Variants in LIMD1 observed in about 807,000 individuals in gnomAD.
LIMD1 encodes the protein LIM domain-containing protein 1.
In LIMD1, 23 loss-of-function variants were observed where a neutral mutation model predicts 58.4. The ratio of observed to expected loss-of-function variants is 0.39; its 90% CI spans 0.28 to 0.56. The LOEUF (loss-of-function observed/expected upper bound fraction) is 0.56, where lower values mean the gene tolerates loss of function less well. Among genes scored for constraint, LIMD1 ranks in the 20% least tolerant of loss-of-function variants. The probability of loss-of-function intolerance (pLI) is 0.57; values close to 1 mark genes in which losing one functional copy is unlikely to be tolerated. For synonymous variants in LIMD1, 334 were observed against 345.5 expected (o/e 0.97, Z 0.37); for missense variants, 838 against 855.5 (o/e 0.98, Z 0.25).
At chr3:45,598,199 C>A (rs911531427) in intron 1 of LIMD1, among the ~76,000 whole-genome samples, 1 of 152,158 alleles carries the variant, frequency 6.6e-6, no homozygotes, top group African/African-American at 2.4e-5. Context: ...AGTGATCTTC[C>A]TGCCTCAGCC....
At chr3:45,618,034 C>T (rs374834599) in intron 1 of LIMD1, among the ~76,000 whole-genome samples, 6 of 152,250 alleles carry the variant, frequency 3.9e-5, no homozygotes, top group African/African-American at 1.4e-4. Flanking sequence ...CATTCTGGTT[C>T]CCTTCTGGTT....
chr3:45,658,477 G>A (rs1439671758), intron 2 of LIMD1, among the ~76,000 whole-genome samples: 1 of 145,848 alleles, frequency 6.9e-6, no homozygotes, highest in Non-Finnish European at 1.5e-5. Flanking sequence ...GGAAAGTGTA[G>A]GAAAGTATAT....
At position 45,685,883 on chromosome 3, in the gene LIMD1, C is replaced by T. The variant is rs1361780220; in HGVS notation, c.*8824C>T. ...AGACTCTCCCTCTTCCTTTAATCAC[C>T]TAGCCTTGTTTCCACCTGAATTGAC... is the stretch of plus-strand genomic sequence containing the variant. On this transcript the variant is annotated 3_prime_UTR_variant, in exon 8 of 8. Coordinates refer to ENST00000273317, the MANE Select transcript of LIMD1 (RefSeq NM_014240.3). 6.6e-6 allele frequency: 1 copy of T among 152,150 alleles called. No homozygotes were observed. The highest frequency in any genetic ancestry group is 1.9e-4 in the East Asian group (1 of 5,200). The allele number at this position is 152,150 out of a possible 1,614,324, so 9.4% of individuals were successfully genotyped here.
chr3:45,609,604 G>A (rs534783838), intron 1 of LIMD1, among the ~76,000 whole-genome samples: 2 of 152,202 alleles, frequency 1.3e-5, no homozygotes, highest in Admixed American at 6.5e-5. Context: ...GCTTTCCTGC[G>A]GGGTTCCACA....
chr3:45,636,122 C>T, intron 1 of LIMD1, 28 bp from the exon 2 acceptor site: 2 of 1,610,622 alleles, frequency 1.2e-6, no homozygotes, highest in Non-Finnish European at 1.7e-6. Flanking sequence ...TCCCTCCTGA[C>T]TCACTGATGT....
At chr3:45,610,779 G>A (rs929794177) in intron 1 of LIMD1, among the ~76,000 whole-genome samples, 12 of 152,152 alleles carry the variant, frequency 7.9e-5, no homozygotes, top group African/African-American at 2.9e-4. Context: ...CGGGAGACTG[G>A]CCACGTGCAA....
intron 1 of LIMD1, among the ~76,000 whole-genome samples, chr3:45,611,791 G>A (rs267213): frequency 0.23 from 35,408 of 152,086 alleles, 4,283 homozygotes; most frequent in East Asian, 0.36. Flanking sequence ...GAGGCTCTTT[G>A]TTGGCCAGCC....
intron 1 of LIMD1, among the ~76,000 whole-genome samples, chr3:45,630,620 G>A (rs1250950342): frequency 1.3e-5 from 2 of 152,058 alleles, no homozygotes; most frequent in Non-Finnish European, 2.9e-5. Flanking sequence ...GGCCAGGGTG[G>A]GTAGTAGGAG....
At chr3:45,659,180 C>G (rs367920291) in intron 2 of LIMD1, among the ~76,000 whole-genome samples, 11 of 152,316 alleles carry the variant, frequency 7.2e-5, no homozygotes, top group Admixed American at 5.2e-4. Context: ...TGATGTTTCA[C>G]TGTTATACTT....
Position 45,685,645 on chromosome 3 carries a change from C to T in LIMD1, c.*8586C>T, listed in dbSNP as rs1697800811. The T allele has an allele frequency of 1.3e-5, 2 of 152,224 alleles. No homozygotes were observed. Among genetic ancestry groups the T allele is most frequent in the Admixed American group, 1.3e-4 (2 of 15,282 alleles). 9.4% of individuals were successfully genotyped at this position (152,224 alleles called of 1,614,324 possible). On this transcript the variant is annotated 3_prime_UTR_variant, in exon 8 of 8. Coordinates refer to ENST00000273317, the MANE Select transcript of LIMD1 (RefSeq NM_014240.3). ...ACAGGGAATTGTCCTTGAACCTACT[C>T]ATGCGGTGTCTTCTGGGGTACAGTG...
intron 1 of LIMD1, among the ~76,000 whole-genome samples, chr3:45,618,646 G>T (rs1327386938): frequency 6.6e-6 from 1 of 152,206 alleles, no homozygotes; most frequent in African/African-American, 2.4e-5. Flanking sequence ...TCTGTGCCAG[G>T]AGCAGAGGTA....
At chr3:45,673,898 A>C (rs1273921365) in intron 6 of LIMD1, 5 of 255,378 alleles carry the variant, frequency 2.0e-5, no homozygotes, top group East Asian at 1.7e-4. Context: ...AAAAAAAAAA[A>C]CCAAAAAAAA....
At chr3:45,668,626 G>T (rs1256963374) in intron 4 of LIMD1, among the ~76,000 whole-genome samples, 1 of 152,080 alleles carries the variant, frequency 6.6e-6, no homozygotes, top group Non-Finnish European at 1.5e-5. Flanking sequence ...GGTGGTGCAT[G>T]CCTGTAGTCC....
At chr3:45,657,255 G>A (rs1447653128) in intron 2 of LIMD1, among the ~76,000 whole-genome samples, 1 of 152,110 alleles carries the variant, frequency 6.6e-6, no homozygotes, top group Non-Finnish European at 1.5e-5. Flanking sequence ...TACCTATCAA[G>A]TTACATCTAA....
intron 1 of LIMD1, among the ~76,000 whole-genome samples, chr3:45,596,777 T>C (rs938174341): frequency 6.6e-6 from 1 of 151,774 alleles, no homozygotes; most frequent in African/African-American, 2.4e-5. Flanking sequence ...TGTGTGTGTC[T>C]GTGTGTGTGT....
At chr3:45,673,042 A>AC (rs1217004963) in intron 5 of LIMD1, among the ~76,000 whole-genome samples, 1 of 151,966 alleles carries the variant, frequency 6.6e-6, no homozygotes, top group African/African-American at 2.4e-5. Context: ...GAAAAAAAAA[A>AC]AACAACAGAG....
chr3:45,636,173 GGGGTGTTTGGGGCTGGCCAGGCCTGTCA>G lies in LIMD1; in HGVS notation c.1435_1462del (p.Val479ProfsTer20). On this transcript the variant is annotated frameshift_variant, in exon 2 of 8. Transcript: ENST00000273317. LOFTEE classifies it high-confidence loss of function. ...AGGAGCCTGTGTGAAATGCAGCAAA[GGGGTGTTTGGGGCTGGCCAGGCCTGTCA>G]GGCCATGGGGAACCTCTACCATGAC... is the stretch of plus-strand genomic sequence containing the variant. 2 of 1,613,008 alleles carry G rather than the reference GGGGTGTTTGGGGCTGGCCAGGCCTGTCA, an allele frequency of 1.2e-6. No homozygotes were observed. The highest frequency in any genetic ancestry group is 1.7e-6 in the Non-Finnish European group (2 of 1,179,334).
At chr3:45,663,393 C>A (rs1281868928) in intron 2 of LIMD1, among the ~76,000 whole-genome samples, 1 of 152,142 alleles carries the variant, frequency 6.6e-6, no homozygotes, top group African/African-American at 2.4e-5. Flanking sequence ...AAGTAGTCAT[C>A]CCAGTTGATG....
Position 45,678,021 on chromosome 3 carries a change from G to A in LIMD1, c.*962G>A, listed in dbSNP as rs1337655271. The A allele has an allele frequency of 6.6e-6, 1 of 152,480 alleles. No homozygotes were observed. Among genetic ancestry groups the A allele is most frequent in the Non-Finnish European group, 1.5e-5 (1 of 68,024 alleles). 9.4% of individuals were successfully genotyped at this position (152,480 alleles called of 1,614,324 possible). ...CTGAGAGACAGCTTCTTATAAACAA[G>A]GAGAGTTTTTGTGTGTGCGAGATCT... On this transcript the variant is annotated 3_prime_UTR_variant, in exon 8 of 8. Transcript: ENST00000273317.
Sources: allele counts gnomAD v4.1 joint callset (sites outside exome capture counted in the v4.1 genomes callset), GRCh38; gene constraint gnomAD v4.1.1; transcripts MANE v1.5; gene names NCBI Gene and HGNC (gene_info 2026-07-23, HGNC 2026-07-21).